NRXN3: variants seen among roughly 807,000 people sequenced by gnomAD.
NRXN3 encodes neurexin III.
Under a neutral mutation model 137.6 loss-of-function variants are expected in NRXN3, and 32 were observed. The ratio of observed to expected loss-of-function variants is 0.23; its 90% confidence interval spans 0.18 to 0.31. The LOEUF is 0.31. Ranked by LOEUF, NRXN3 falls within the 10% of genes least tolerant of loss-of-function variation. The pLI is 1.00. For missense variants in NRXN3, 1,574 were observed against 2,062.5 expected, an observed-to-expected ratio of 0.76 and a Z score of 4.59; for synonymous variants, 798 against 784.5, an observed-to-expected ratio of 1.02 and a Z score of -0.29.
intron 19 of NRXN3, among the ~76,000 whole-genome samples, chr14:79,768,788 G>A (rs945216209): frequency 2.0e-5 from 3 of 152,224 alleles, no homozygotes; most frequent in Non-Finnish European, 4.4e-5. Context: ...ACTTTGACGA[G>A]CTGAGAGAAG....
chr14:79,519,544 G>C (rs1008573872), intron 16 of NRXN3, among the ~76,000 whole-genome samples: 2 of 151,984 alleles, frequency 1.3e-5, no homozygotes, highest in Non-Finnish European at 2.9e-5. Context: ...TAAGACCAAA[G>C]ATTTCCTCTA....
At chr14:79,147,410 C>T (rs929590346) in intron 15 of NRXN3, among the ~76,000 whole-genome samples, 13 of 152,096 alleles carry the variant, frequency 8.5e-5, no homozygotes, top group African/African-American at 2.2e-4. Flanking sequence ...GTGGAAGTAG[C>T]GCCTTGTAGA....
chr14:78,375,342 A>G (rs1043488348), intron 4 of NRXN3, among the ~76,000 whole-genome samples: 1 of 152,212 alleles, frequency 6.6e-6, no homozygotes, highest in African/African-American at 2.4e-5. Context: ...AATAAACTAA[A>G]TTTTAAATAT....
chr14:79,074,190 C>T (rs1369949304), intron 15 of NRXN3, among the ~76,000 whole-genome samples: 1 of 152,146 alleles, frequency 6.6e-6, no homozygotes, highest in African/African-American at 2.4e-5. Flanking sequence ...TACAAACTAG[C>T]TCTGCAGTCT....
chr14:79,072,585 C>T (rs2099689348), intron 15 of NRXN3: 1 of 152,100 alleles, frequency 6.6e-6, no homozygotes. Flanking sequence ...AAAAAAGTCC[C>T]TCTTTTAATG....
chr14:79,685,983 C>T (rs1206908338), intron 17 of NRXN3, among the ~76,000 whole-genome samples: 1 of 152,084 alleles, frequency 6.6e-6, no homozygotes, highest in East Asian at 1.9e-4. Context: ...ATTCCCATTC[C>T]ATAGCCTATA....
intron 4 of NRXN3, among the ~76,000 whole-genome samples, chr14:78,377,697 T>C (rs2153627217): frequency 6.6e-6 from 1 of 152,346 alleles, no homozygotes; most frequent in African/African-American, 2.4e-5. Flanking sequence ...TTTCTCAATA[T>C]GTCCTCACCT....
chr14:79,565,355 G>A (rs112517961), intron 16 of NRXN3, among the ~76,000 whole-genome samples: 24,994 of 137,986 alleles, frequency 0.18, 3,398 homozygotes, highest in African/African-American at 0.37. Flanking sequence ...GTGCGTATAT[G>A]TATACACACA....
intron 10 of NRXN3, among the ~76,000 whole-genome samples, chr14:78,827,190 A>G (rs2098969094): frequency 6.6e-6 from 1 of 151,960 alleles, no homozygotes; most frequent in South Asian, 2.1e-4. Context: ...GCTGATCATC[A>G]GCAACTAGAA....
chr14:79,501,375 C>G (rs928338358), intron 16 of NRXN3, among the ~76,000 whole-genome samples: 1 of 152,036 alleles, frequency 6.6e-6, no homozygotes, highest in Non-Finnish European at 1.5e-5. Context: ...TATTATTAAG[C>G]GTACATCTTC....
intron 15 of NRXN3, among the ~76,000 whole-genome samples, chr14:79,119,564 G>A (rs567670516): frequency 6.6e-6 from 1 of 152,240 alleles, no homozygotes; most frequent in East Asian, 1.9e-4. Context: ...CTTATTTAAA[G>A]TCAGGAACCA....
chr14:79,381,727 A>G (rs1324533904), intron 15 of NRXN3, among the ~76,000 whole-genome samples: 7 of 152,226 alleles, frequency 4.6e-5, no homozygotes, highest in Non-Finnish European at 5.9e-5. Context: ...ATCACAAGAC[A>G]TAACCTTCCA....
chr14:79,485,606 A>G (rs1011986825), intron 16 of NRXN3, among the ~76,000 whole-genome samples: 1 of 152,078 alleles, frequency 6.6e-6, no homozygotes. Flanking sequence ...GTGCGTGCCT[A>G]TCTGTGTAGC....
In NRXN3 at chr14:79,112,520, A is replaced by G. The variant is rs151109746; in HGVS notation, c.3262+124379A>G. Reference sequence around the variant, plus strand: ...TGGTTTCTTGAAACTTTGAATGAATAAACTAGGACACGGGATTAATGTAAA... The same window carrying G: ...TGGTTTCTTGAAACTTTGAATGAATGAACTAGGACACGGGATTAATGTAAA... On this transcript the variant is annotated intron_variant, in intron 15 of 20. Transcript: ENST00000335750. 4.1e-4 allele frequency among the ~76,000 whole-genome samples: 62 copies of G among 152,372 alleles called. No individual in the cohort carries two copies. In the East Asian group the frequency reaches 8.9e-3, roughly 22 times the overall value.
intron 7 of NRXN3, among the ~76,000 whole-genome samples, chr14:78,711,071 G>C (rs1016553731): frequency 6.6e-6 from 1 of 152,004 alleles, no homozygotes; most frequent in Non-Finnish European, 1.5e-5. Context: ...ATGACAGCAA[G>C]AGCAGAGTCA....
rs71131653 is a variant in NRXN3 at position 78,506,643 on chromosome 14, G to GTTTT, written c.758-138450_758-138447dup. On this transcript the variant is annotated intron_variant, in intron 4 of 20. Transcript: ENST00000335750. Reference sequence around the variant, plus strand: ...AGGTAATATCTCATATCTCATTGTAGTTTTTTTTTTTTTTTTTTTTTTTTT... The same window carrying GTTTT: ...AGGTAATATCTCATATCTCATTGTAGTTTTTTTTTTTTTTTTTTTTTTTTTTTTT... 4.1e-4 allele frequency among the ~76,000 whole-genome samples: 43 copies of GTTTT among 105,392 alleles called. 7 individuals are homozygous for GTTTT. The highest frequency in any genetic ancestry group is 9.0e-4 in the African/African-American group (25 of 27,926). 69.1% of individuals were successfully genotyped at this position (105,392 alleles called of 152,430 possible).
intron 15 of NRXN3, among the ~76,000 whole-genome samples, chr14:79,051,640 G>A (rs1266517412): frequency 6.6e-6 from 1 of 152,198 alleles, no homozygotes; most frequent in Non-Finnish European, 1.5e-5. Context: ...CATTTTTATG[G>A]AGCTGGCATC....
chr14:79,071,362 T>C (rs961408253), intron 15 of NRXN3, among the ~76,000 whole-genome samples: 1 of 152,188 alleles, frequency 6.6e-6, no homozygotes, highest in Middle Eastern at 3.2e-3. Flanking sequence ...TAGGTATTTC[T>C]CCTAATGCTA....
intron 15 of NRXN3, among the ~76,000 whole-genome samples, chr14:79,257,592 G>A (rs1173966702): frequency 4.7e-4 from 58 of 122,954 alleles, no homozygotes; most frequent in African/African-American, 1.8e-3. Flanking sequence ...GGTAATGATG[G>A]TGGTGGTGGT....
Sources: allele counts gnomAD v4.1 joint callset (sites outside exome capture counted in the v4.1 genomes callset), GRCh38; gene constraint gnomAD v4.1.1; transcripts MANE v1.5; gene names NCBI Gene and HGNC (gene_info 2026-07-23, HGNC 2026-07-21).